LIMD1: variants seen among roughly 807,000 people sequenced by gnomAD.
LIMD1 encodes LIM domain-containing protein 1.
A neutral mutation model predicts 58.4 loss-of-function variants in LIMD1; 23 were observed. That is an observed-to-expected ratio of 0.39 (90% confidence interval 0.28 to 0.56). The LOEUF (loss-of-function observed/expected upper bound fraction) is 0.56. LIMD1 is among the 20% of genes least tolerant of loss of function. LIMD1 has a pLI of 0.57. For synonymous variants in LIMD1, 334 were observed against 345.5 expected (o/e 0.97, Z 0.37); for missense variants, 838 against 855.5 (o/e 0.98, Z 0.25).
chr3:45,674,677 A>G, intron 7 of LIMD1: 2 of 392,550 alleles, frequency 5.1e-6, no homozygotes, highest in Admixed American at 3.5e-5. Flanking sequence ...CTGCAGAGCT[A>G]GGAGGGTCGT....
chr3:45,631,063 G>T (rs2125656911), intron 1 of LIMD1, among the ~76,000 whole-genome samples: 1 of 152,248 alleles, frequency 6.6e-6, no homozygotes. Context: ...AATTAGTCAG[G>T]CATGGTGGTG....
chr3:45,674,445 T>C, intron 7 of LIMD1, 34 bp downstream of exon 7: 1 of 1,240,994 alleles, frequency 8.1e-7, no homozygotes, highest in Non-Finnish European at 1.1e-6. Context: ...CCAAAGCCCA[T>C]TGTAGACATC....
In LIMD1 at chr3:45,682,462, G is replaced by C. The variant is rs1024347878; in HGVS notation, c.*5403G>C. On this transcript the variant is annotated 3_prime_UTR_variant, in exon 8 of 8. Transcript: ENST00000273317. ...GGAGATGGCATAGTCCTAAGAGTCA[G>C]CCTTGGGCATTGGGCCATGTGGGAC... is the stretch of plus-strand genomic sequence containing the variant. The C allele has an allele frequency of 1.3e-5, 2 of 152,562 alleles. No homozygotes were observed. Among genetic ancestry groups the C allele is most frequent in the South Asian group, 4.1e-4 (2 of 4,830 alleles). The allele number at this position is 152,562 out of a possible 1,614,324, so 9.5% of individuals were successfully genotyped here. A position where few individuals can be genotyped will look rare whatever the true frequency, so the allele number is the denominator to read the frequency against.
In LIMD1 at chr3:45,637,280, T is replaced by TA. The variant is rs1230044800; in HGVS notation, c.1510+1031dup. On this transcript the variant is annotated intron_variant, in intron 2 of 7. Transcript: ENST00000273317. ...AATTTCTAGAGTGAGGCAAGTGTAT[T>TA]AATTTTTTTTTTTTTTTTGAGACGG... Among the ~76,000 whole-genome samples the TA allele has an allele frequency of 5.7e-5, 6 of 105,250 alleles. No individual in the cohort carries two copies. The Admixed American group carries it at 6.1e-4, about 11-fold the overall frequency. The allele number at this position is 105,250 out of a possible 152,430, so 69.0% of individuals were successfully genotyped here.
chr3:45,604,836 T>C (rs951836568), intron 1 of LIMD1, among the ~76,000 whole-genome samples: 5 of 152,192 alleles, frequency 3.3e-5, no homozygotes, highest in African/African-American at 1.2e-4. Flanking sequence ...CTCCTTGGTA[T>C]GGTATGTTTC....
intron 2 of LIMD1, among the ~76,000 whole-genome samples, chr3:45,641,496 TA>T (rs906811990): frequency 1.3e-5 from 2 of 148,580 alleles, no homozygotes; most frequent in African/African-American, 2.4e-5. Context: ...ATTTTATATA[TA>T]ATTATATATA....
At chr3:45,649,523 T>C (rs867707445) in intron 2 of LIMD1, among the ~76,000 whole-genome samples, 12 of 150,902 alleles carry the variant, frequency 8.0e-5, no homozygotes, top group African/African-American at 1.9e-4. Flanking sequence ...CTACTAAAAA[T>C]ACAAAAAATT....
Position 45,594,968 on chromosome 3 carries a change from G to A in LIMD1, c.89G>A (p.Arg30Gln), listed in dbSNP as rs199991743. The change falls in exon 1 of 8, where the codon CGA becomes CAA. Residue 30 changes from arginine to glutamine, a missense_variant. Physicochemically the swap from Arg to Gln is conservative, Grantham distance 43. Around this residue, in one of 3 missense-constraint regions of LIMD1, gnomAD observed 659 missense variants for 639.8 expected, o/e 1.03. Transcript: ENST00000273317. Reference protein sequence around the residue: ...MYEASKDGLFRVDKGAGNNPE... With the variant: ...MYEASKDGLFQVDKGAGNNPE... ...GAGGCCTCTAAGGATGGGCTCTTCC[G>A]AGTGGACAAGGGTGCAGGCAACAAC... 3.9e-5 allele frequency: 63 copies of A among 1,613,766 alleles called. No individual in the cohort carries two copies. The highest frequency in any genetic ancestry group is 6.8e-6 in the Non-Finnish European group (8 of 1,180,030).
intron 1 of LIMD1, among the ~76,000 whole-genome samples, chr3:45,623,666 G>A (rs890027862): frequency 1.3e-5 from 2 of 152,188 alleles, no homozygotes; most frequent in African/African-American, 2.4e-5. Flanking sequence ...CTTCCTTTGT[G>A]GCTTGGTGAT....
intron 1 of LIMD1, chr3:45,635,884 T>A: frequency 1.0e-6 from 1 of 983,920 alleles, no homozygotes; most frequent in Non-Finnish European, 1.2e-6. Context: ...AGGGAGGGAG[T>A]TGACCAAGCC....
At chr3:45,600,619 C>G (rs1701402300) in intron 1 of LIMD1, among the ~76,000 whole-genome samples, 1 of 152,204 alleles carries the variant, frequency 6.6e-6, no homozygotes, top group South Asian at 2.1e-4. Context: ...CCTACACCAC[C>G]TAGTGCAGTG....
At chr3:45,641,810 A>G (rs1313322692) in intron 2 of LIMD1, among the ~76,000 whole-genome samples, 4 of 152,206 alleles carry the variant, frequency 2.6e-5, no homozygotes. Context: ...CACTGAAGCA[A>G]AAGGGGCTGA....
intron 1 of LIMD1, among the ~76,000 whole-genome samples, chr3:45,597,922 G>A (rs1313357241): frequency 6.6e-6 from 1 of 152,136 alleles, no homozygotes. Context: ...ATACTCAGCA[G>A]GCTGAGGTCA....
chr3:45,605,305 G>A (rs1017801016), intron 1 of LIMD1, among the ~76,000 whole-genome samples: 14 of 152,260 alleles, frequency 9.2e-5, no homozygotes, highest in Non-Finnish European at 1.5e-4. Flanking sequence ...TGGCATCCCA[G>A]CCCCTTTCCA....
At chr3:45,596,863 CTTT>C (rs1244008902) in intron 1 of LIMD1, among the ~76,000 whole-genome samples, 5 of 136,044 alleles carry the variant, frequency 3.7e-5, no homozygotes, top group Non-Finnish European at 3.1e-5. Context: ...AGCAGTGGAT[CTTT>C]TTTTTTTTTT....
At chr3:45,669,547 A>G (rs1697563653) in intron 4 of LIMD1, among the ~76,000 whole-genome samples, 1 of 152,160 alleles carries the variant, frequency 6.6e-6, no homozygotes, top group South Asian at 2.1e-4. Context: ...ACACTTCCCA[A>G]ACTCCAGAAA....
At position 45,595,954 on chromosome 3, in the gene LIMD1, G is replaced by A. The variant is rs1282281057; in HGVS notation, c.1075G>A (p.Gly359Ser). The A allele has an allele frequency of 6.2e-6, 10 of 1,614,098 alleles. No homozygotes were observed. The highest frequency in any genetic ancestry group is 1.6e-4 in the Middle Eastern group (1 of 6,084). Residue 359 changes from glycine (G) to serine (S), a missense_variant, in exon 1 of 8, where the codon GGT becomes AGT. By Grantham distance (56) the Gly-to-Ser change is moderately conservative (BLOSUM62 0). This residue lies in a region of LIMD1 where 659 missense variants were observed against 639.8 expected (regional missense o/e 1.03). Transcript: ENST00000273317. ...APSSSPAGLD[G>S]SQQGAVPGLG... The stretch of plus-strand genomic sequence containing the variant: ...GTCATCCTCGCCAGCTGGTCTGGAC[G>A]GTTCACAGCAGGGTGCGGTCCCTGG...
At chr3:45,603,166 A>G (rs961393779) in intron 1 of LIMD1, among the ~76,000 whole-genome samples, 2 of 152,176 alleles carry the variant, frequency 1.3e-5, no homozygotes, top group Non-Finnish European at 2.9e-5. Flanking sequence ...ATTACTGTTT[A>G]TCAGACTTTA....
chr3:45,675,145 ACC>A (rs2125671251), intron 7 of LIMD1, among the ~76,000 whole-genome samples: 1 of 152,082 alleles, frequency 6.6e-6, no homozygotes, highest in East Asian at 1.9e-4. Flanking sequence ...TGCTGCTGGG[ACC>A]CCAGGTGCCC....
Sources: gnomAD v4.1 joint callset for allele counts (sites outside exome capture counted in the v4.1 genomes callset) on GRCh38, gnomAD v4.1.1 for gene constraint, gnomAD v4.1.1 regional missense constraint, MANE v1.5 for transcripts, NCBI Gene and HGNC (gene_info 2026-07-23, HGNC 2026-07-21) for gene names.